Variants in RTN4IP1 observed in about 807,000 individuals in gnomAD.
The protein encoded by RTN4IP1 is reticulon 4 interacting protein 1.
RTN4IP1 carries 32 observed loss-of-function variants against 46.6 expected under a neutral mutation model. The observed-to-expected ratio is 0.69, with a 90% CI of 0.52 to 0.92. The LOEUF is 0.92. RTN4IP1 is among the 40% of genes least tolerant of loss of function. The pLI, the probability that RTN4IP1 is intolerant of heterozygous loss-of-function variation, is 0.00. For synonymous variants in RTN4IP1, 167 were observed against 161.8 expected (o/e 1.03, Z -0.24); for missense variants, 424 against 485.8 (o/e 0.87, Z 1.20).
At chr6:106,577,576 G>A (rs1775260675) in intron 8 of RTN4IP1, among the ~76,000 whole-genome samples, 2 of 150,120 alleles carry the variant, frequency 1.3e-5, no homozygotes, top group South Asian at 2.2e-4. Flanking sequence ...TTTATGCATT[G>A]TGGTAGGCAG....
rs950149805 is a variant in RTN4IP1 at position 106,610,067 on chromosome 6, A to T, written c.621-7145T>A. Among the ~76,000 whole-genome samples the T allele has an allele frequency of 4.7e-5, 7 of 148,974 alleles. No individual in the cohort carries two copies. The South Asian group carries it at 6.4e-4, about 14-fold the overall frequency. On this transcript the variant is annotated intron_variant, in intron 4 of 8. Transcript: ENST00000369063. ...CCCAAAAAGAGAGTAGGCAAAATAA[A>T]TTTTTTTTTTTTGAGACGGAGTCTC... is the stretch of plus-strand genomic sequence containing the variant.
Position 106,570,986 on chromosome 6 carries a change from C to T in RTN4IP1, c.*1010G>A, listed in dbSNP as rs1026927292. 2 of 152,164 alleles carry T rather than the reference C, an allele frequency of 1.3e-5. No individual in the cohort carries two copies. The highest frequency in any genetic ancestry group is 2.9e-5 in the Non-Finnish European group (2 of 68,032). The allele number at this position is 152,164 out of a possible 1,614,324, so 9.4% of individuals were successfully genotyped here. A position where few individuals can be genotyped will look rare whatever the true frequency, so the allele number is the denominator to read the frequency against. On this transcript the variant is annotated 3_prime_UTR_variant, in exon 9 of 9. Transcript: ENST00000369063. Reference sequence around the variant, plus strand: ...ACCGTAAATGAATATTCGAAGTGCACACTGCAATGGGTTGATTGGAGAGAT... The same window carrying T: ...ACCGTAAATGAATATTCGAAGTGCATACTGCAATGGGTTGATTGGAGAGAT...
intron 2 of RTN4IP1, 127 bp from the exon 3 acceptor site, chr6:106,621,620 G>T: frequency 1.5e-6 from 1 of 670,646 alleles, no homozygotes; most frequent in Admixed American, 2.5e-5. Context: ...ACTACACCAA[G>T]CAGGAGTGTT....
chr6:106,607,196 A>T (rs1378740790), intron 4 of RTN4IP1, among the ~76,000 whole-genome samples: 1 of 152,214 alleles, frequency 6.6e-6, no homozygotes, highest in East Asian at 1.9e-4. Flanking sequence ...TTGGATATCC[A>T]TATGCAGAAA....
chr6:106,625,220 AC>A (rs996716251), intron 1 of RTN4IP1, among the ~76,000 whole-genome samples: 1 of 151,414 alleles, frequency 6.6e-6, no homozygotes, highest in Non-Finnish European at 1.5e-5. Flanking sequence ...AGTGTCATGT[AC>A]CACTCACTCC....
chr6:106,620,046 A>T (rs568013375), intron 3 of RTN4IP1, among the ~76,000 whole-genome samples: 31 of 152,176 alleles, frequency 2.0e-4, no homozygotes, highest in Admixed American at 1.8e-3. Flanking sequence ...AGCTTCCTTT[A>T]TTCTAAGAAT....
At chr6:106,628,628 T>A in intron 1 of RTN4IP1, 120 bp downstream of exon 1, 1 of 965,216 alleles carries the variant, frequency 1.0e-6, no homozygotes, top group Non-Finnish European at 1.5e-6. Context: ...GCAGAGGTAT[T>A]GTTAAAAACC....
intron 5 of RTN4IP1, among the ~76,000 whole-genome samples, chr6:106,599,780 A>G (rs913660630): frequency 1.3e-5 from 2 of 151,234 alleles, no homozygotes; most frequent in African/African-American, 4.9e-5. Context: ...TTTGGTAAAC[A>G]TACTTGTATA....
At chr6:106,584,870 G>A (rs1007287708) in intron 7 of RTN4IP1, among the ~76,000 whole-genome samples, 8 of 152,170 alleles carry the variant, frequency 5.3e-5, no homozygotes, top group East Asian at 1.9e-4. Context: ...ATAGATTATC[G>A]TCTAACCCAG....
chr6:106,609,823 CTG>C (rs1363115898), intron 4 of RTN4IP1, among the ~76,000 whole-genome samples: 1 of 152,342 alleles, frequency 6.6e-6, no homozygotes, highest in Admixed American at 6.5e-5. Context: ...AAAAGCAAAA[CTG>C]TGTTTCACAG....
At chr6:106,625,102 T>C (rs1296115456) in intron 1 of RTN4IP1, among the ~76,000 whole-genome samples, 2 of 151,924 alleles carry the variant, frequency 1.3e-5, no homozygotes, top group Non-Finnish European at 2.9e-5. Flanking sequence ...ACAACGTGAC[T>C]TTTCTCAGAC....
At chr6:106,592,964 G>GTA (rs1490559374) in intron 5 of RTN4IP1, among the ~76,000 whole-genome samples, 6 of 149,870 alleles carry the variant, frequency 4.0e-5, no homozygotes, top group African/African-American at 1.2e-4. Flanking sequence ...GCACTTTCAA[G>GTA]GATAGCAAAG....
At chr6:106,592,357 CTGCATTG>C in intron 5 of RTN4IP1, 57 bp from the exon 6 acceptor site, 1 of 1,557,298 alleles carries the variant, frequency 6.4e-7, no homozygotes, top group Admixed American at 1.9e-5. Context: ...GAAAAACTGA[CTGCATTG>C]AAAAAAAAAT....
chr6:106,587,790 T>C lies in RTN4IP1; in HGVS notation c.879A>G (p.Ser293=), dbSNP rs779126614. The C allele has an allele frequency of 3.1e-6, 5 of 1,613,870 alleles. No homozygotes were observed. The highest frequency in any genetic ancestry group is 1.1e-5 in the South Asian group (1 of 91,084). The part of the protein sequence containing the change: ...TWAPDFLKKW[S]GATYVTLVTP... ...TCACCAAAGTCACATAGGTGGCTCC[T>C]GACCATTTCTTGAGAAAATCTGGAG... is the stretch of plus-strand genomic sequence containing the variant. The change falls in exon 7 of 9, where the codon TCA becomes TCG. Residue 293 remains serine (S), a synonymous_variant. Coordinates refer to ENST00000369063, the MANE Select transcript of RTN4IP1 (RefSeq NM_032730.5).
intron 5 of RTN4IP1, among the ~76,000 whole-genome samples, chr6:106,597,875 G>T (rs2114649418): frequency 6.6e-6 from 1 of 152,052 alleles, no homozygotes; most frequent in South Asian, 2.1e-4. Context: ...TCCCCAGAGT[G>T]TGATATTCCC....
chr6:106,589,205 G>GGGGAGGAGGGAGGAGGAGGA (rs1775572425), intron 6 of RTN4IP1, among the ~76,000 whole-genome samples: 14 of 3,278 alleles, frequency 4.3e-3, no homozygotes, highest in Non-Finnish European at 9.6e-3. Context: ...GAGGAGGGAG[G>GGGGAGGAGGGAGGAGGAGGA]GGGAGGAGGG....
intron 1 of RTN4IP1, among the ~76,000 whole-genome samples, chr6:106,624,169 C>A (rs2114683693): frequency 6.6e-6 from 1 of 152,194 alleles, no homozygotes; most frequent in Non-Finnish European, 1.5e-5. Context: ...GATTCTCCTG[C>A]CTCAGCCTCC....
At chr6:106,589,171 T>TGGA (rs1209617886) in intron 6 of RTN4IP1, among the ~76,000 whole-genome samples, 1 of 12,408 alleles carries the variant, frequency 8.1e-5, no homozygotes, top group East Asian at 2.6e-3. Context: ...GAGGAGGCGG[T>TGGA]GGAGGAGGAG....
chr6:106,582,985 T>C (rs559355939), intron 8 of RTN4IP1, among the ~76,000 whole-genome samples: 18 of 152,102 alleles, frequency 1.2e-4, no homozygotes, highest in African/African-American at 1.7e-4. Flanking sequence ...GGGGACCTGA[T>C]AAAATATTAG....
Sources: allele counts gnomAD v4.1 joint callset (sites outside exome capture counted in the v4.1 genomes callset), GRCh38; gene constraint gnomAD v4.1.1; transcripts MANE v1.5; gene names NCBI Gene and HGNC (gene_info 2026-07-23, HGNC 2026-07-21).